DYNC2H1: variants seen among roughly 807,000 people sequenced by gnomAD.
DYNC2H1 encodes the protein dynein cytoplasmic 2 heavy chain 1.
Under a neutral mutation model 570.0 loss-of-function variants are expected in DYNC2H1, and 410 were observed. That is an observed-to-expected ratio of 0.72 (90% confidence interval 0.66 to 0.78). The LOEUF is 0.78. Among genes scored for constraint, DYNC2H1 ranks in the 30% least tolerant of loss-of-function variants. DYNC2H1 has a pLI of 0.00. For synonymous variants in DYNC2H1, 1,688 were observed against 1,677.6 expected (o/e 1.01, Z -0.15); for missense variants, 4,865 against 5,046.4 (o/e 0.96, Z 1.09).
At chr11:103,223,203 A>G (rs1339283658) in intron 59 of DYNC2H1, 117 bp downstream of exon 59, 13 of 987,918 alleles carry the variant, frequency 1.3e-5, no homozygotes, top group Middle Eastern at 3.6e-4. Context: ...TGACAATACT[A>G]AAATATATGA....
chr11:103,180,719 G>A (rs185676253), intron 39 of DYNC2H1, among the ~76,000 whole-genome samples: 1 of 151,310 alleles, frequency 6.6e-6, no homozygotes, highest in Non-Finnish European at 1.5e-5. Flanking sequence ...AAGCAGTGTT[G>A]TATTGGATAA....
intron 82 of DYNC2H1, among the ~76,000 whole-genome samples, chr11:103,339,153 T>A (rs1326207390): frequency 6.6e-6 from 1 of 152,000 alleles, no homozygotes; most frequent in Non-Finnish European, 1.5e-5. Flanking sequence ...AGTCTCTTGC[T>A]CTTCCCACTC....
intron 59 of DYNC2H1, among the ~76,000 whole-genome samples, chr11:103,227,237 G>A (rs1863836569): frequency 6.6e-6 from 1 of 150,660 alleles, no homozygotes; most frequent in African/African-American, 2.4e-5. Flanking sequence ...GGTTTGGATT[G>A]TTCTTGTTTC....
Position 103,280,218 on chromosome 11 carries a change from T to A in DYNC2H1, c.10696-130T>A, listed in dbSNP as rs1866075549. ...GTAGAAAGCAATCTGAATAGTAATT[T>A]CTTACATCGATAAAAAAGTAGGTCA... On this transcript the variant is annotated intron_variant, in intron 70 of 88. Coordinates refer to ENST00000375735, the MANE Select transcript of DYNC2H1 (RefSeq NM_001377.3). This position sits in a 1 kb window ranked among gnomAD's most constrained non-coding sequence, Gnocchi z 4.7. 1.2e-6 allele frequency: 1 copy of A among 851,476 alleles called. No individual in the cohort carries two copies. The highest frequency in any genetic ancestry group is 1.8e-6 in the Non-Finnish European group (1 of 542,860). 52.7% of individuals were successfully genotyped at this position (851,476 alleles called of 1,614,324 possible).
At chr11:103,231,010 A>T (rs1316297582) in intron 59 of DYNC2H1, among the ~76,000 whole-genome samples, 3 of 152,164 alleles carry the variant, frequency 2.0e-5, no homozygotes, top group Admixed American at 6.6e-5. Context: ...AAATATGTTT[A>T]CCATTTTTAT....
At chr11:103,310,261 AT>A (rs1258051290) in intron 78 of DYNC2H1, among the ~76,000 whole-genome samples, 3 of 150,522 alleles carry the variant, frequency 2.0e-5, no homozygotes, top group African/African-American at 7.3e-5. Flanking sequence ...CTGTCTTTAG[AT>A]TTTTTCTCGT....
At chr11:103,392,699 A>G (rs779857452) in intron 83 of DYNC2H1, among the ~76,000 whole-genome samples, 10 of 152,136 alleles carry the variant, frequency 6.6e-5, no homozygotes, top group Non-Finnish European at 1.3e-4. Flanking sequence ...TCATGGAAAA[A>G]TATACATCAT....
chr11:103,177,282 G>T lies in DYNC2H1; in HGVS notation c.5875-274G>T, dbSNP rs1168628100. 6.6e-6 allele frequency among the ~76,000 whole-genome samples: 1 copy of T among 152,112 alleles called. No homozygotes were observed. Among genetic ancestry groups the T allele is most frequent in the Non-Finnish European group, 1.5e-5 (1 of 68,022 alleles). On this transcript the variant is annotated intron_variant, in intron 37 of 88. Coordinates refer to ENST00000375735, the MANE Select transcript of DYNC2H1 (RefSeq NM_001377.3). The surrounding 1 kb of genome is among the most constrained non-coding windows in gnomAD (Gnocchi z 4.4). Reference sequence around the variant, plus strand: ...ATATTTGAATGAGTGAATGAGTGGAGCAAGTAACGAACATAATTGTTCATA... The same window carrying T: ...ATATTTGAATGAGTGAATGAGTGGATCAAGTAACGAACATAATTGTTCATA...
chr11:103,392,810 A>G (rs1942220440), intron 83 of DYNC2H1, among the ~76,000 whole-genome samples: 1 of 152,158 alleles, frequency 6.6e-6, no homozygotes, highest in African/African-American at 2.4e-5. Flanking sequence ...AGCAAGTACA[A>G]AAATCTCAAA....
chr11:103,293,922 C>T (rs985925727), intron 75 of DYNC2H1, among the ~76,000 whole-genome samples: 7 of 151,942 alleles, frequency 4.6e-5, no homozygotes, highest in Non-Finnish European at 1.0e-4. Flanking sequence ...ACTAAAAACA[C>T]AAAAATTAGC....
At chr11:103,296,195 A>G (rs1591538908) in intron 75 of DYNC2H1, among the ~76,000 whole-genome samples, 1 of 152,102 alleles carries the variant, frequency 6.6e-6, no homozygotes, top group Non-Finnish European at 1.5e-5. Flanking sequence ...TTTGGTTTGT[A>G]TGAAGGTATT....
rs1591309833 is a variant in DYNC2H1 at position 103,143,334 on chromosome 11, G to T, written c.2641G>T (p.Asp881Tyr). The change falls in exon 18 of 89, where the codon GAT becomes TAT. Residue 881 changes from aspartate to tyrosine, a missense_variant. Coordinates refer to ENST00000375735, the MANE Select transcript of DYNC2H1 (RefSeq NM_001377.3). Reference sequence around the variant, plus strand: ...GGAAAAGCATCTTTTTACTGTACATGATTGGGAGAAAAATTTTAAAGCATT... The same window carrying T: ...GGAAAAGCATCTTTTTACTGTACATTATTGGGAGAAAAATTTTAAAGCATT... ...LVEKHLFTVH[D>Y]WEKNFKALKI... is the part of the protein sequence containing the mutation. 6.2e-7 allele frequency: 1 copy of T among 1,613,240 alleles called. No individual in the cohort carries two copies. Among genetic ancestry groups the T allele is most frequent in the East Asian group, 2.2e-5 (1 of 44,800 alleles).
At position 103,365,886 on chromosome 11, in the gene DYNC2H1, G is replaced by T. The variant is rs150044505; in HGVS notation, c.12156+7527G>T. Among the ~76,000 whole-genome samples the T allele has an allele frequency of 4.1e-3, 627 of 152,290 alleles. 1 individual carries two copies. Among genetic ancestry groups the T allele is most frequent in the African/African-American group, 0.014 (589 of 41,568 alleles). ...GCTTTTGTGAATCATGAACTAGTTCGATCATCTTTAATAGACGCAGATAAG... is the reference window on the plus strand; with the variant it reads ...GCTTTTGTGAATCATGAACTAGTTCTATCATCTTTAATAGACGCAGATAAG... On this transcript the variant is annotated intron_variant, in intron 83 of 88. Transcript: ENST00000375735.
chr11:103,256,266 C>T lies in DYNC2H1; in HGVS notation c.10461+26C>T, dbSNP rs771386488. On this transcript the variant is annotated intron_variant, in intron 68 of 88. Transcript: ENST00000375735. This position sits in a 1 kb window ranked among gnomAD's most constrained non-coding sequence, Gnocchi z 4.0. ...GTAATTATTTCCTTCTTTGTAATTT[C>T]GTATTATGTTTTCTTGAACATTTAG... The T allele has an allele frequency of 3.1e-5, 48 of 1,567,060 alleles. 1 individual carries two copies. Among genetic ancestry groups the T allele is most frequent in the South Asian group, 2.3e-4 (19 of 82,428 alleles).
chr11:103,409,125 G>A (rs1277712010), intron 84 of DYNC2H1, among the ~76,000 whole-genome samples: 1 of 152,004 alleles, frequency 6.6e-6, no homozygotes, highest in East Asian at 1.9e-4. Context: ...TAATGCTAGA[G>A]GTGGTGTTTT....
intron 47 of DYNC2H1, among the ~76,000 whole-genome samples, chr11:103,195,163 T>A (rs886971719): frequency 6.6e-6 from 1 of 152,200 alleles, no homozygotes; most frequent in African/African-American, 2.4e-5. Context: ...GATAAAAAGT[T>A]TTTATATAAT....
At chr11:103,464,500 T>C (rs1370962499) in intron 87 of DYNC2H1, among the ~76,000 whole-genome samples, 1 of 152,130 alleles carries the variant, frequency 6.6e-6, no homozygotes, top group East Asian at 1.9e-4. Flanking sequence ...AGTTCTTGGA[T>C]GAAAAGCATC....
rs1046627943 is a variant in DYNC2H1 at position 103,254,917 on chromosome 11, G to T, written c.10207-498G>T. Among the ~76,000 whole-genome samples, 1 of 151,660 alleles carries T rather than the reference G, an allele frequency of 6.6e-6. No individual in the cohort carries two copies. Among genetic ancestry groups the T allele is most frequent in the Non-Finnish European group, 1.5e-5 (1 of 67,912 alleles). Reference sequence around the variant, plus strand: ...CTCCCGAGTAGCTGGGATTACAGGCGCCCACCACCACGCCTGGCTAATTTT... The same window carrying T: ...CTCCCGAGTAGCTGGGATTACAGGCTCCCACCACCACGCCTGGCTAATTTT... On this transcript the variant is annotated intron_variant, in intron 66 of 88. Coordinates refer to ENST00000375735, the MANE Select transcript of DYNC2H1 (RefSeq NM_001377.3). The surrounding 1 kb of genome is among the most constrained non-coding windows in gnomAD (Gnocchi z 4.9).
intron 54 of DYNC2H1, among the ~76,000 whole-genome samples, chr11:103,213,169 G>A (rs1863223282): frequency 6.6e-6 from 1 of 152,096 alleles, no homozygotes; most frequent in South Asian, 2.1e-4. Flanking sequence ...TACTCAAAAT[G>A]CAGGTAAGGC....
Sources: allele counts gnomAD v4.1 joint callset (sites outside exome capture counted in the v4.1 genomes callset), GRCh38; gene constraint gnomAD v4.1.1; non-coding constraint Gnocchi (gnomAD v3.1); transcripts MANE v1.5; gene names NCBI Gene and HGNC (gene_info 2026-07-23, HGNC 2026-07-21).